The following TENM3 variants were observed in gnomAD, a reference collection of about 807,000 sequenced individuals.
The protein encoded by TENM3 is teneurin-3.
In TENM3, 63 loss-of-function variants were observed where a neutral mutation model predicts 255.1. The observed-to-expected ratio is 0.25, with a 90% CI of 0.20 to 0.30. The LOEUF is 0.30. Among genes scored for constraint, TENM3 ranks in the 10% least tolerant of loss-of-function variants. The probability of loss-of-function intolerance (pLI) is 1.00; values close to 1 mark genes in which losing one functional copy is unlikely to be tolerated. For missense variants in TENM3, 2,929 were observed against 3,461.1 expected, an observed-to-expected ratio of 0.85 and a Z score of 3.86; for synonymous variants, 1,306 against 1,322.3, an observed-to-expected ratio of 0.99 and a Z score of 0.27.
intron 3 of TENM3, among the ~76,000 whole-genome samples, chr4:182,390,999 G>A (rs745876732): frequency 4.6e-5 from 7 of 152,060 alleles, no homozygotes; most frequent in Admixed American, 6.5e-5. Context: ...TTAATTCTGC[G>A]CACCAATCCC....
chr4:181,839,216 T>C, the TENM3 span, among the ~76,000 whole-genome samples: 1 of 149,424 alleles, frequency 6.7e-6, no homozygotes, highest in African/African-American at 2.4e-5. Flanking sequence ...TATTTTAAGA[T>C]AATTTTAAAT....
chr4:181,786,677 G>A, the TENM3 span, among the ~76,000 whole-genome samples: 4 of 150,566 alleles, frequency 2.7e-5, no homozygotes, highest in Non-Finnish European at 5.9e-5. Flanking sequence ...GGGAACTAGG[G>A]AGAGTGTTTA....
the TENM3 span, among the ~76,000 whole-genome samples, chr4:181,480,657 T>C: frequency 9.9e-5 from 15 of 151,778 alleles, no homozygotes; most frequent in Non-Finnish European, 1.8e-4. Context: ...AAGCTTTGTA[T>C]ATATGGAGAT....
the TENM3 span, among the ~76,000 whole-genome samples, chr4:181,779,131 G>T: frequency 6.6e-6 from 1 of 151,880 alleles, no homozygotes; most frequent in Non-Finnish European, 1.5e-5. Context: ...GGAGAGGAAG[G>T]ACACGCTTGA....
the TENM3 span, among the ~76,000 whole-genome samples, chr4:182,025,376 A>T: frequency 2.6e-5 from 4 of 152,230 alleles, no homozygotes; most frequent in East Asian, 5.8e-4. Flanking sequence ...GTGTGTATGT[A>T]CCACATTTTC....
At chr4:182,236,037 T>G (rs191097563) in intron 1 of TENM3, among the ~76,000 whole-genome samples, 1 of 152,284 alleles carries the variant, frequency 6.6e-6, no homozygotes. Flanking sequence ...CTCACTGTAT[T>G]GAGAAATCTG....
chr4:182,339,150 A>G (rs1335379765), intron 2 of TENM3, among the ~76,000 whole-genome samples: 1 of 152,222 alleles, frequency 6.6e-6, no homozygotes. Flanking sequence ...ATTGAGTTTT[A>G]TGAAAAAAGA....
At chr4:182,490,243 T>A (rs1175722878) in intron 3 of TENM3, among the ~76,000 whole-genome samples, 9 of 152,216 alleles carry the variant, frequency 5.9e-5, no homozygotes, top group Admixed American at 2.0e-4. Flanking sequence ...CCATAGGTAT[T>A]CAAATATTTC....
the TENM3 span, among the ~76,000 whole-genome samples, chr4:182,121,490 CTAAAGACCACTTCAA>C: frequency 6.6e-6 from 1 of 152,134 alleles, no homozygotes; most frequent in Non-Finnish European, 1.5e-5. Context: ...TAATGTAGAG[CTAAAGACCACTTCAA>C]TAAAGACCAC....
At chr4:182,131,828 G>T in the TENM3 span, among the ~76,000 whole-genome samples, 1 of 152,204 alleles carries the variant, frequency 6.6e-6, no homozygotes, top group Non-Finnish European at 1.5e-5. Flanking sequence ...TCCCTAAGGT[G>T]TTCTAGTGGA....
At chr4:182,150,081 G>A (rs1304113377) in intron 1 of TENM3, among the ~76,000 whole-genome samples, 1 of 151,924 alleles carries the variant, frequency 6.6e-6, no homozygotes, top group Non-Finnish European at 1.5e-5. Context: ...AGAGTAGTTG[G>A]GGAGAGGTGG....
intron 3 of TENM3, among the ~76,000 whole-genome samples, chr4:182,471,620 C>T (rs1733128337): frequency 7.3e-6 from 1 of 137,482 alleles, no homozygotes; most frequent in Non-Finnish European, 1.6e-5. Flanking sequence ...TTATGTGGCA[C>T]ATGCCTCTGT....
chr4:181,586,357 T>G, the TENM3 span, among the ~76,000 whole-genome samples: 1 of 152,178 alleles, frequency 6.6e-6, no homozygotes, highest in Non-Finnish European at 1.5e-5. Context: ...GGTAGCTTCC[T>G]TCTCTGTAAA....
intron 1 of TENM3, among the ~76,000 whole-genome samples, chr4:182,249,815 A>T (rs1388806382): frequency 6.6e-6 from 1 of 152,072 alleles, no homozygotes; most frequent in African/African-American, 2.4e-5. Context: ...CCCAGGCTGG[A>T]GTGCAGTGGT....
the TENM3 span, among the ~76,000 whole-genome samples, chr4:181,615,691 G>A: frequency 1.3e-5 from 2 of 152,156 alleles, no homozygotes; most frequent in Non-Finnish European, 2.9e-5. Flanking sequence ...TTTTCCATGA[G>A]TTTAAAATAC....
intron 3 of TENM3, among the ~76,000 whole-genome samples, chr4:182,370,179 T>A (rs887095439): frequency 6.6e-6 from 1 of 152,184 alleles, no homozygotes; most frequent in Non-Finnish European, 1.5e-5. Context: ...TCTAACAAAG[T>A]GAAGATGCAA....
At chr4:181,776,811 T>G in the TENM3 span, among the ~76,000 whole-genome samples, 11 of 152,152 alleles carry the variant, frequency 7.2e-5, no homozygotes, top group Non-Finnish European at 1.5e-4. Flanking sequence ...AGTTTTTTTG[T>G]GCAGCCTGGA....
chr4:182,108,123 G>A, the TENM3 span, among the ~76,000 whole-genome samples: 4 of 152,126 alleles, frequency 2.6e-5, no homozygotes, highest in Non-Finnish European at 4.4e-5. Context: ...TTGTCACTCC[G>A]TTTACAGCAT....
intron 1 of TENM3, among the ~76,000 whole-genome samples, chr4:182,296,017 TCTCAGCCCAC>T (rs1761465672): frequency 6.6e-6 from 1 of 152,162 alleles, no homozygotes; most frequent in South Asian, 2.1e-4. Flanking sequence ...AATGGTGTGA[TCTCAGCCCAC>T]CTCAGCCTCC....
Sources: allele counts gnomAD v4.1 joint callset (sites outside exome capture counted in the v4.1 genomes callset), GRCh38; gene constraint gnomAD v4.1.1; transcripts MANE v1.5; gene names NCBI Gene and HGNC (gene_info 2026-07-23, HGNC 2026-07-21).